The following IQCJ variants were observed in gnomAD, a reference collection of about 807,000 sequenced individuals.
IQCJ encodes IQ domain-containing protein J.
IQCJ carries 9 observed loss-of-function variants against 11.0 expected under a neutral mutation model. The ratio of observed to expected loss-of-function variants is 0.82; its 90% CI spans 0.49 to 1.43. IQCJ has a LOEUF of 1.43. Among genes scored for constraint, IQCJ ranks in the 40% most tolerant of loss-of-function variants. IQCJ has a pLI of 0.00. For missense variants in IQCJ, 146 were observed against 133.2 expected, an observed-to-expected ratio of 1.10 and a Z score of -0.47; for synonymous variants, 55 against 51.3, an observed-to-expected ratio of 1.07 and a Z score of -0.31.
At chr3:159,209,342 G>A (rs73877557) in intron 1 of IQCJ, among the ~76,000 whole-genome samples, 1,786 of 152,196 alleles carry the variant, frequency 0.012, 28 homozygotes, top group African/African-American at 0.041. Flanking sequence ...CTTTCTTCTC[G>A]CACCATCCCC....
intron 1 of IQCJ, among the ~76,000 whole-genome samples, chr3:159,132,154 G>C (rs1030926725): frequency 1.3e-5 from 2 of 152,172 alleles, no homozygotes; most frequent in African/African-American, 4.8e-5. Context: ...ACAGCCTGCT[G>C]TTTTCAGTTG....
At chr3:159,182,855 C>A (rs1723180717) in intron 1 of IQCJ, among the ~76,000 whole-genome samples, 1 of 151,356 alleles carries the variant, frequency 6.6e-6, no homozygotes, top group Non-Finnish European at 1.5e-5. Context: ...AGGGGTCAAT[C>A]TTTAACTACC....
chr3:159,116,033 A>G (rs1027585763), intron 1 of IQCJ, among the ~76,000 whole-genome samples: 3 of 152,162 alleles, frequency 2.0e-5, no homozygotes, highest in African/African-American at 7.2e-5. Context: ...ACAAACCTGC[A>G]TGTTCTGCAC....
intron 1 of IQCJ, among the ~76,000 whole-genome samples, chr3:159,198,622 C>G (rs1292849198): frequency 6.6e-6 from 1 of 152,080 alleles, no homozygotes; most frequent in Non-Finnish European, 1.5e-5. Flanking sequence ...TGAGTTAGAC[C>G]ACTTGCCTGT....
At chr3:159,248,725 A>T (rs555786033) in intron 2 of IQCJ, among the ~76,000 whole-genome samples, 1 of 152,342 alleles carries the variant, frequency 6.6e-6, no homozygotes, top group African/African-American at 2.4e-5. Context: ...GAGAACCAGT[A>T]GTGAAAATAT....
chr3:159,137,978 C>T (rs1720393181), intron 1 of IQCJ, among the ~76,000 whole-genome samples: 1 of 152,080 alleles, frequency 6.6e-6, no homozygotes, highest in Non-Finnish European at 1.5e-5. Flanking sequence ...AATTACAATG[C>T]TTACAGATTA....
intron 1 of IQCJ, among the ~76,000 whole-genome samples, chr3:159,201,411 C>A (rs994493152): frequency 1.3e-5 from 2 of 151,808 alleles, no homozygotes; most frequent in Non-Finnish European, 1.5e-5. Flanking sequence ...AGAAAAAATG[C>A]GACTTAGAAA....
chr3:159,133,164 G>T (rs775123468), intron 1 of IQCJ, among the ~76,000 whole-genome samples: 1 of 152,100 alleles, frequency 6.6e-6, no homozygotes, highest in Non-Finnish European at 1.5e-5. Flanking sequence ...GGTATTATTG[G>T]CACACAGCCC....
intron 1 of IQCJ, among the ~76,000 whole-genome samples, chr3:159,091,650 A>ACACACACACACACG (rs1717296538): frequency 1.2e-4 from 4 of 32,676 alleles, no homozygotes; most frequent in Admixed American, 4.2e-4. Flanking sequence ...GGGTATTTAC[A>ACACACACACACACG]CACACACACA....
At chr3:159,256,389 G>A (rs1727898115) in intron 3 of IQCJ, among the ~76,000 whole-genome samples, 1 of 152,180 alleles carries the variant, frequency 6.6e-6, no homozygotes, top group African/African-American at 2.4e-5. Flanking sequence ...GAGACAGAGA[G>A]AGATAGCATT....
intron 1 of IQCJ, among the ~76,000 whole-genome samples, chr3:159,070,992 T>C (rs1715525892): frequency 2.6e-5 from 4 of 152,024 alleles, no homozygotes; most frequent in Admixed American, 2.6e-4. Context: ...TTGTGGACAA[T>C]TGTAAACTTC....
intron 1 of IQCJ, chr3:159,070,169 A>T (rs1301301848): frequency 6.3e-6 from 1 of 158,646 alleles, no homozygotes; most frequent in Non-Finnish European, 1.4e-5. Context: ...TAGGAATCAC[A>T]TTCACACTGT....
At chr3:159,142,450 G>A (rs553353063) in intron 1 of IQCJ, among the ~76,000 whole-genome samples, 3 of 151,452 alleles carry the variant, frequency 2.0e-5, no homozygotes, top group Non-Finnish European at 2.9e-5. Context: ...GGAGTCTCAC[G>A]CTGTCACCCA....
intron 1 of IQCJ, among the ~76,000 whole-genome samples, chr3:159,086,489 T>C (rs1360679897): frequency 1.3e-5 from 2 of 152,238 alleles, no homozygotes; most frequent in Non-Finnish European, 2.9e-5. Context: ...TGGCATTGAA[T>C]GTGTAAATTA....
At chr3:159,142,391 A>G (rs1034176448) in intron 1 of IQCJ, among the ~76,000 whole-genome samples, 3 of 150,276 alleles carry the variant, frequency 2.0e-5, no homozygotes, top group African/African-American at 7.4e-5. Context: ...TCAGATATCC[A>G]TGATGGTAAG....
intron 1 of IQCJ, among the ~76,000 whole-genome samples, chr3:159,175,124 C>G (rs1015039837): frequency 2.0e-5 from 3 of 152,108 alleles, no homozygotes; most frequent in African/African-American, 7.2e-5. Context: ...TTTTAATGTA[C>G]GATTCTATGA....
intron 3 of IQCJ, among the ~76,000 whole-genome samples, chr3:159,256,308 A>AT (rs1332769641): frequency 6.6e-6 from 1 of 152,146 alleles, no homozygotes; most frequent in Non-Finnish European, 1.5e-5. Flanking sequence ...ATTATATTTG[A>AT]TTTTGTAATG....
intron 1 of IQCJ, among the ~76,000 whole-genome samples, chr3:159,228,046 C>T (rs1312366031): frequency 6.6e-6 from 1 of 152,194 alleles, no homozygotes; most frequent in Non-Finnish European, 1.5e-5. Flanking sequence ...AGTAGAGATT[C>T]CATTCCATGT....
At chr3:159,141,266 G>T (rs17783335) in intron 1 of IQCJ, among the ~76,000 whole-genome samples, 1 of 152,028 alleles carries the variant, frequency 6.6e-6, no homozygotes, top group Non-Finnish European at 1.5e-5. Context: ...GCATTGTCAG[G>T]CTAGGAAATC....
Sources: allele counts gnomAD v4.1 joint callset (sites outside exome capture counted in the v4.1 genomes callset), GRCh38; gene constraint gnomAD v4.1.1; transcripts MANE v1.5; gene names NCBI Gene and HGNC (gene_info 2026-07-23, HGNC 2026-07-21).